Variants in PCDHGB6 observed in about 807,000 individuals in gnomAD.
PCDHGB6 encodes protocadherin gamma subfamily B, 6.
A neutral mutation model predicts 59.1 loss-of-function variants in PCDHGB6; 51 were observed. That is an observed-to-expected ratio of 0.86 (90% CI 0.69 to 1.09). The LOEUF (loss-of-function observed/expected upper bound fraction) is 1.09, where lower values mean the gene tolerates loss of function less well. Ranked by LOEUF, PCDHGB6 falls within the 50% of genes least tolerant of loss-of-function variation. The pLI, the probability that PCDHGB6 is intolerant of heterozygous loss-of-function variation, is 0.00. For synonymous variants in PCDHGB6, 466 were observed against 495.1 expected, an observed-to-expected ratio of 0.94 and a Z score of 0.78; for missense variants, 1,148 against 1,205.1, an observed-to-expected ratio of 0.95 and a Z score of 0.70.
At chr5:141,470,872 TTTTTTGTTTTTG>T (rs900302332) in intron 1 of PCDHGB6, among the ~76,000 whole-genome samples, 1 of 151,814 alleles carries the variant, frequency 6.6e-6, no homozygotes, top group Non-Finnish European at 1.5e-5. Context: ...GTTTGTTTGT[TTTTTTGTTTTTG>T]TTTTTGTTTT....
chr5:141,507,736 G>A (rs1562231670), intron 3 of PCDHGB6, among the ~76,000 whole-genome samples: 1 of 152,240 alleles, frequency 6.6e-6, no homozygotes. Flanking sequence ...CATGCAGCTC[G>A]TTCCCCTGTC....
chr5:141,445,545 A>G (rs1422837499), intron 1 of PCDHGB6, among the ~76,000 whole-genome samples: 2 of 152,256 alleles, frequency 1.3e-5, no homozygotes, highest in Non-Finnish European at 2.9e-5. Context: ...AAGGAGAAAT[A>G]CAAAAGCACT....
At chr5:141,453,379 C>T (rs980792532) in intron 1 of PCDHGB6, among the ~76,000 whole-genome samples, 1 of 152,050 alleles carries the variant, frequency 6.6e-6, no homozygotes, top group Non-Finnish European at 1.5e-5. Context: ...AGTGATCCTC[C>T]TGCCTTAGCC....
At chr5:141,473,039 A>G (rs1593411714) in intron 1 of PCDHGB6, among the ~76,000 whole-genome samples, 1 of 152,016 alleles carries the variant, frequency 6.6e-6, no homozygotes, top group East Asian at 1.9e-4. Context: ...GGAAGGAAAG[A>G]AAGAAAGAAG....
chr5:141,446,634 G>A (rs927873152), intron 1 of PCDHGB6, among the ~76,000 whole-genome samples: 6 of 151,928 alleles, frequency 3.9e-5, no homozygotes, highest in Admixed American at 2.6e-4. Context: ...GCACCACCAC[G>A]CCTGGCTAAT....
At position 141,510,984 on chromosome 5, in the gene PCDHGB6, C is replaced by A. The variant is rs375865663; in HGVS notation, c.2604C>A (p.Ala868=). 6.2e-7 allele frequency: 1 copy of A among 1,614,162 alleles called. No individual in the cohort carries two copies. The highest frequency in any genetic ancestry group is 8.5e-7 in the Non-Finnish European group (1 of 1,180,012). The part of the protein sequence containing the change: ...ADGSSTLGGG[A]GTMGLSARYG... The stretch of plus-strand genomic sequence containing the variant: ...GGAGCTCCACCCTGGGAGGGGGTGC[C>A]GGCACCATGGGATTGAGCGCCCGCT... Residue 868 remains alanine, a synonymous_variant, in exon 4 of 4, where the codon GCC becomes GCA. Coordinates refer to ENST00000520790, the MANE Select transcript of PCDHGB6 (RefSeq NM_018926.3).
intron 1 of PCDHGB6, chr5:141,430,836 C>T: frequency 6.4e-7 from 1 of 1,558,936 alleles, no homozygotes; most frequent in South Asian, 1.2e-5. Context: ...CTGTGGGAGA[C>T]CGGATGCACC....
intron 1 of PCDHGB6, among the ~76,000 whole-genome samples, chr5:141,465,279 C>T (rs975247599): frequency 3.3e-5 from 5 of 152,028 alleles, no homozygotes; most frequent in South Asian, 2.1e-4. Flanking sequence ...TTTAGTTCAC[C>T]CCTAAAGAAC....
At chr5:141,495,277 G>A (rs2099760037) in intron 2 of PCDHGB6, among the ~76,000 whole-genome samples, 1 of 152,168 alleles carries the variant, frequency 6.6e-6, no homozygotes, top group African/African-American at 2.4e-5. Context: ...ACCGGAGGAG[G>A]CGGTCCGCAC....
chr5:141,489,713 A>G lies in PCDHGB6; in HGVS notation c.2419-5094A>G. On this transcript the variant is annotated intron_variant, in intron 1 of 3. Coordinates refer to ENST00000520790, the MANE Select transcript of PCDHGB6 (RefSeq NM_018926.3). The surrounding 1 kb of genome is among the most constrained non-coding windows in gnomAD (Gnocchi z 4.5). The stretch of plus-strand genomic sequence containing the variant: ...GCACGATTCCCACTGGACAGTGCCC[A>G]GGATCCGGATGTGGGCACCAATACT... 1.9e-6 allele frequency: 3 copies of G among 1,614,162 alleles called. No individual in the cohort carries two copies. The highest frequency in any genetic ancestry group is 2.5e-6 in the Non-Finnish European group (3 of 1,179,968).
Position 141,477,889 on chromosome 5 carries a change from A to T in PCDHGB6, c.2419-16918A>T. 1 of 1,614,152 alleles carries T rather than the reference A, an allele frequency of 6.2e-7. No homozygotes were observed. Among genetic ancestry groups the T allele is most frequent in the Admixed American group, 1.7e-5 (1 of 60,016 alleles). On this transcript the variant is annotated intron_variant, in intron 1 of 3. Coordinates refer to ENST00000520790, the MANE Select transcript of PCDHGB6 (RefSeq NM_018926.3). This position sits in a 1 kb window ranked among gnomAD's most constrained non-coding sequence, Gnocchi z 4.9. The stretch of plus-strand genomic sequence containing the variant: ...GTACCTCAGCTGGCCACCTAGTGTC[A>T]CGGGTGGTAGGCTGGGACGCGGATG...
chr5:141,474,371 G>A (rs909237592), intron 1 of PCDHGB6, among the ~76,000 whole-genome samples: 1 of 152,180 alleles, frequency 6.6e-6, no homozygotes, highest in African/African-American at 2.4e-5. Flanking sequence ...TAGGTCTAGA[G>A]GAGGGCATTT....
intron 1 of PCDHGB6, among the ~76,000 whole-genome samples, chr5:141,464,076 C>A (rs561982216): frequency 3.1e-4 from 47 of 152,132 alleles, no homozygotes; most frequent in African/African-American, 9.4e-4. Context: ...GCCAGCCTGG[C>A]CAACATGGTG....
Position 141,476,129 on chromosome 5 carries a change from G to A in PCDHGB6, c.2419-18678G>A. ...GCTTTTGAGTGAGATGGTCCCAGAG[G>A]CCTGGAGGAGCGGACTGGTAAGCAC... On this transcript the variant is annotated intron_variant, in intron 1 of 3. Transcript: ENST00000520790. This position sits in a 1 kb window ranked among gnomAD's most constrained non-coding sequence, Gnocchi z 7.6. The A allele has an allele frequency of 6.2e-7, 1 of 1,606,848 alleles. No homozygotes were observed. The highest frequency in any genetic ancestry group is 8.5e-7 in the Non-Finnish European group (1 of 1,177,814).
rs1231591874 is a variant in PCDHGB6 at position 141,431,615 on chromosome 5, G to T, written c.2418+20995G>T. The T allele has an allele frequency of 3.1e-6, 5 of 1,614,118 alleles. No homozygotes were observed. Among genetic ancestry groups the T allele is most frequent in the African/African-American group, 2.7e-5 (2 of 74,950 alleles). On this transcript the variant is annotated intron_variant, in intron 1 of 3. Transcript: ENST00000520790. The surrounding 1 kb of genome is among the most constrained non-coding windows in gnomAD (Gnocchi z 4.8). Reference sequence around the variant, plus strand: ...GAGGTATTCCTTCCGGTATGTGGACGACAAGGCGGCCCAAGTTTTCAAACT... The same window carrying T: ...GAGGTATTCCTTCCGGTATGTGGACTACAAGGCGGCCCAAGTTTTCAAACT...
rs1267722283 is a variant in PCDHGB6 at position 141,493,105 on chromosome 5, G to A, written c.2419-1702G>A. Reference sequence around the variant, plus strand: ...GAGCTTTTATTCAAAATATATCAATGCCTAACTCTGCTCCTAGGACTGTAT... The same window carrying A: ...GAGCTTTTATTCAAAATATATCAATACCTAACTCTGCTCCTAGGACTGTAT... On this transcript the variant is annotated intron_variant, in intron 1 of 3. Coordinates refer to ENST00000520790, the MANE Select transcript of PCDHGB6 (RefSeq NM_018926.3). This position sits in a 1 kb window ranked among gnomAD's most constrained non-coding sequence, Gnocchi z 4.3. Among the ~76,000 whole-genome samples, 1 of 152,076 alleles carries A rather than the reference G, an allele frequency of 6.6e-6. No homozygotes were observed. Among genetic ancestry groups the A allele is most frequent in the Non-Finnish European group, 1.5e-5 (1 of 67,994 alleles).
In PCDHGB6 at chr5:141,410,284, G is replaced by A. The variant is rs2095374455; in HGVS notation, c.2082G>A (p.Val694=). Residue 694 remains valine, a synonymous_variant, in exon 1 of 4, where the codon GTG becomes GTA. Transcript: ENST00000520790. The stretch of plus-strand genomic sequence containing the variant: ...CTGAACTGCAGTTTTACCTGGTGGT[G>A]GCCTTGGCCTTAATCTCAGTGCTCT... ...PQAELQFYLV[V]ALALISVLFL... 1.2e-6 allele frequency: 2 copies of A among 1,613,990 alleles called. No individual in the cohort carries two copies. Among genetic ancestry groups the A allele is most frequent in the Non-Finnish European group, 1.7e-6 (2 of 1,179,900 alleles).
intron 1 of PCDHGB6, among the ~76,000 whole-genome samples, chr5:141,438,591 C>CATACAT (rs1228520343): frequency 1.3e-5 from 1 of 75,562 alleles, no homozygotes; most frequent in Non-Finnish European, 2.7e-5. Flanking sequence ...TACATACATA[C>CATACAT]ATATATATAT....
At chr5:141,464,407 A>G (rs996561936) in intron 1 of PCDHGB6, among the ~76,000 whole-genome samples, 1 of 151,544 alleles carries the variant, frequency 6.6e-6, no homozygotes, top group Non-Finnish European at 1.5e-5. Flanking sequence ...CCTGAGATAT[A>G]TATATATCTA....
Sources: allele counts gnomAD v4.1 joint callset (sites outside exome capture counted in the v4.1 genomes callset), GRCh38; gene constraint gnomAD v4.1.1; non-coding constraint Gnocchi (gnomAD v3.1); transcripts MANE v1.5; gene names NCBI Gene and HGNC (gene_info 2026-07-23, HGNC 2026-07-21).